Variants in FAM227B observed in about 807,000 individuals in gnomAD.
FAM227B encodes the protein family with sequence similarity 227 member B.
Under a neutral mutation model 73.8 loss-of-function variants are expected in FAM227B, and 88 were observed. That is an observed-to-expected ratio of 1.19 (90% CI 1.00 to 1.42). FAM227B has a LOEUF of 1.42. Ranked by LOEUF, FAM227B falls within the 40% of genes most tolerant of loss-of-function variation. The pLI, the probability that FAM227B is intolerant of heterozygous loss-of-function variation, is 0.00. For synonymous variants in FAM227B, 210 were observed against 190.5 expected (o/e 1.10, Z -0.84); for missense variants, 632 against 590.9 (o/e 1.07, Z -0.72).
intron 3 of FAM227B, among the ~76,000 whole-genome samples, chr15:49,605,561 T>C (rs2077464333): frequency 6.6e-6 from 1 of 151,492 alleles, no homozygotes; most frequent in African/African-American, 2.4e-5. Context: ...GGGGATATCC[T>C]GGTTCCTGGA....
intron 11 of FAM227B, among the ~76,000 whole-genome samples, chr15:49,453,195 T>C (rs1478491664): frequency 6.6e-6 from 1 of 152,094 alleles, no homozygotes; most frequent in Non-Finnish European, 1.5e-5. Context: ...TTTTTTAAAA[T>C]TTGAATATGT....
chr15:49,592,214 G>T (rs117484677), intron 3 of FAM227B, among the ~76,000 whole-genome samples: 3 of 152,130 alleles, frequency 2.0e-5, no homozygotes. Flanking sequence ...TCCATTGCTG[G>T]CAAGGGGCTG....
chr15:49,569,446 G>C, intron 8 of FAM227B, among the ~76,000 whole-genome samples: 1 of 151,716 alleles, frequency 6.6e-6, no homozygotes. Flanking sequence ...CTTAATGTGT[G>C]AGACGGTGTG....
At chr15:49,450,005 A>G (rs2052578138) in intron 11 of FAM227B, among the ~76,000 whole-genome samples, 2 of 152,126 alleles carry the variant, frequency 1.3e-5, no homozygotes, top group Non-Finnish European at 2.9e-5. Flanking sequence ...CGCCATTCAT[A>G]CAAATGTGGT....
intron 9 of FAM227B, among the ~76,000 whole-genome samples, chr15:49,561,262 A>T (rs1211875390): frequency 1.3e-5 from 2 of 152,194 alleles, no homozygotes; most frequent in African/African-American, 4.8e-5. Flanking sequence ...CTAACAGTAA[A>T]AAAGGACAAA....
chr15:49,328,173 GTC>G lies in FAM227B; in HGVS notation c.*393_*394del, dbSNP rs1297985420. 4.4e-6 allele frequency: 7 copies of G among 1,607,708 alleles called. No homozygotes were observed. In the African/African-American group the frequency reaches 9.4e-5, roughly 22 times the overall value. On this transcript the variant is annotated 3_prime_UTR_variant, in exon 16 of 16. Coordinates refer to ENST00000299338, the MANE Select transcript of FAM227B (RefSeq NM_152647.3). ...CTTGAGGCCTGAAAAAATGTAAAAA[GTC>G]TGAGAGAAACTACTTAGGGCACTTA...
At chr15:49,335,257 A>G (rs1386341109) in intron 14 of FAM227B, among the ~76,000 whole-genome samples, 162 bp downstream of exon 14, 2 of 152,120 alleles carry the variant, frequency 1.3e-5, no homozygotes, top group East Asian at 1.9e-4. Context: ...TGGTTACAAC[A>G]TACACCCTTG....
At chr15:49,492,051 A>G (rs921237954) in intron 11 of FAM227B, among the ~76,000 whole-genome samples, 3 of 151,846 alleles carry the variant, frequency 2.0e-5, no homozygotes. Context: ...AATCTTATCT[A>G]TTGCCATACA....
chr15:49,613,419 T>G (rs541000500), intron 2 of FAM227B, among the ~76,000 whole-genome samples: 1 of 152,224 alleles, frequency 6.6e-6, no homozygotes, highest in East Asian at 1.9e-4. Context: ...GAGAATCGCT[T>G]GAACCCCAGA....
intron 9 of FAM227B, 97 bp from the exon 10 acceptor site, chr15:49,541,903 AATTT>A (rs1479926175): frequency 9.2e-6 from 9 of 983,328 alleles, no homozygotes; most frequent in East Asian, 6.8e-5. Context: ...TTTGCCTTGC[AATTT>A]ATTAACCGAA....
chr15:49,591,020 C>CTTTTTTTTTTTTTTTTTTTTTTT (rs913958003), intron 3 of FAM227B, among the ~76,000 whole-genome samples: 1 of 106,900 alleles, frequency 9.4e-6, no homozygotes, highest in Non-Finnish European at 1.9e-5. Flanking sequence ...TTCTCTTTCT[C>CTTTTTTTTTTTTTTTTTTTTTTT]TTTTTTTTGT....
intron 6 of FAM227B, chr15:49,577,254 G>A (rs777807680): frequency 1.3e-4 from 45 of 344,986 alleles, no homozygotes; most frequent in South Asian, 7.0e-5. Context: ...CCACGGTTGC[G>A]CCACTGCACT....
At chr15:49,442,995 T>G (rs773471446) in intron 11 of FAM227B, among the ~76,000 whole-genome samples, 6 of 151,720 alleles carry the variant, frequency 4.0e-5, no homozygotes, top group Non-Finnish European at 7.4e-5. Context: ...CTGTATTGCA[T>G]CTCACAAAAC....
At chr15:49,537,785 G>C (rs2070485401) in intron 10 of FAM227B, among the ~76,000 whole-genome samples, 2 of 152,078 alleles carry the variant, frequency 1.3e-5, no homozygotes, top group South Asian at 4.2e-4. Flanking sequence ...AACCTGGAAG[G>C]AATAATCCAG....
intron 11 of FAM227B, among the ~76,000 whole-genome samples, chr15:49,466,616 A>G (rs530860026): frequency 2.6e-3 from 390 of 152,276 alleles, no homozygotes; most frequent in Non-Finnish European, 4.8e-3. Context: ...TAAAGTCAGA[A>G]GGGCTGGAGG....
At chr15:49,571,137 T>C (rs551019974) in intron 8 of FAM227B, among the ~76,000 whole-genome samples, 90 of 151,816 alleles carry the variant, frequency 5.9e-4, no homozygotes, top group Non-Finnish European at 1.1e-3. Context: ...TTCAGTTTTT[T>C]TGTGGAAACT....
rs150374637 is a variant in FAM227B, at chr15:49,342,528, CA to C, written c.1272-7033del. ...TTCAATGGAGCATTTAGACTGTTTACATTCAAGGTTATAATTAATATGTGAG... is the reference window on the plus strand; with the variant it reads ...TTCAATGGAGCATTTAGACTGTTTACTTCAAGGTTATAATTAATATGTGAG... On this transcript the variant is annotated intron_variant, in intron 13 of 15. Coordinates refer to ENST00000299338, the MANE Select transcript of FAM227B (RefSeq NM_152647.3). Among the ~76,000 whole-genome samples, 452 of 152,284 alleles carry C rather than the reference CA, an allele frequency of 3.0e-3. 5 individuals are homozygous for C. Among genetic ancestry groups the C allele is most frequent in the African/African-American group, 0.01 (427 of 41,564 alleles).
At chr15:49,594,798 C>T (rs1288414668) in intron 3 of FAM227B, among the ~76,000 whole-genome samples, 1 of 152,116 alleles carries the variant, frequency 6.6e-6, no homozygotes, top group Admixed American at 6.6e-5. Context: ...TGTTTTTATA[C>T]CAGTACCATG....
chr15:49,456,906 A>G (rs187867333), intron 11 of FAM227B, among the ~76,000 whole-genome samples: 1 of 152,250 alleles, frequency 6.6e-6, no homozygotes, highest in African/African-American at 2.4e-5. Flanking sequence ...GTGCATTACA[A>G]TTCAATCCAA....
Sources: gnomAD v4.1 joint callset for allele counts (sites outside exome capture counted in the v4.1 genomes callset) on GRCh38, gnomAD v4.1.1 for gene constraint, MANE v1.5 for transcripts, NCBI Gene and HGNC (gene_info 2026-07-23, HGNC 2026-07-21) for gene names.